NIPBL: variants seen among roughly 807,000 people sequenced by gnomAD.
NIPBL encodes the protein nipped-B-like protein.
A neutral mutation model predicts 321.8 loss-of-function variants in NIPBL; 19 were observed. The observed-to-expected ratio is 0.06, with a 90% CI of 0.04 to 0.09. NIPBL has a LOEUF of 0.09. Ranked by LOEUF, NIPBL falls within the 10% of genes least tolerant of loss-of-function variation. The pLI, the probability that NIPBL is intolerant of heterozygous loss-of-function variation, is 1.00. For synonymous variants in NIPBL, 1,106 were observed against 1,114.1 expected, an observed-to-expected ratio of 0.99 and a Z score of 0.14; for missense variants, 2,210 against 3,327.0, an observed-to-expected ratio of 0.66 and a Z score of 8.26.
At chr5:37,027,745 A>C (rs1036514097) in intron 32 of NIPBL, among the ~76,000 whole-genome samples, 1 of 151,110 alleles carries the variant, frequency 6.6e-6, no homozygotes. Context: ...CAGCCTCCAG[A>C]GTAGCTAGGA....
At chr5:36,912,986 G>A (rs1343463572) in intron 1 of NIPBL, among the ~76,000 whole-genome samples, 2 of 152,080 alleles carry the variant, frequency 1.3e-5, no homozygotes, top group Non-Finnish European at 2.9e-5. Flanking sequence ...AACAATTGGC[G>A]TTAAGTTTTC....
intron 32 of NIPBL, among the ~76,000 whole-genome samples, chr5:37,034,894 A>C (rs564341328): frequency 2.0e-5 from 3 of 152,206 alleles, no homozygotes; most frequent in Non-Finnish European, 2.9e-5. Context: ...TCATGAGTCA[A>C]AATTTATGAT....
chr5:36,881,716 C>A (rs1468827213), intron 1 of NIPBL, among the ~76,000 whole-genome samples: 1 of 151,878 alleles, frequency 6.6e-6, no homozygotes, highest in Admixed American at 6.6e-5. Flanking sequence ...CTTGCCCAGT[C>A]ACTTAGTCAA....
intron 1 of NIPBL, among the ~76,000 whole-genome samples, chr5:36,936,064 G>A (rs1275340609): frequency 6.6e-6 from 1 of 151,942 alleles, no homozygotes; most frequent in Non-Finnish European, 1.5e-5. Flanking sequence ...GGGGGTTGAG[G>A]GTTTCACATT....
At chr5:36,965,976 T>G (rs1375370182) in intron 6 of NIPBL, among the ~76,000 whole-genome samples, 2 of 152,034 alleles carry the variant, frequency 1.3e-5, no homozygotes, top group Non-Finnish European at 2.9e-5. Flanking sequence ...GTTCTAAGAT[T>G]AGCACAATGA....
At position 36,955,456 on chromosome 5, in the gene NIPBL, A is replaced by T. The variant is rs1487302406; in HGVS notation, c.65-16A>T. On this transcript the variant is annotated splice_polypyrimidine_tract_variant and intron_variant, in intron 2 of 46. Transcript: ENST00000282516. Reference sequence around the variant, plus strand: ...TAGTCACTCAATTTCTAATAATCTGATTTTATTCCAAATAGTCCTGAACCA... The same window carrying T: ...TAGTCACTCAATTTCTAATAATCTGTTTTTATTCCAAATAGTCCTGAACCA... 4 of 1,608,650 alleles carry T rather than the reference A, an allele frequency of 2.5e-6. No homozygotes were observed. The African/African-American group carries it at 5.3e-5, about 22-fold the overall frequency.
intron 45 of NIPBL, among the ~76,000 whole-genome samples, chr5:37,061,999 G>A (rs538323481): frequency 3.3e-5 from 5 of 152,110 alleles, no homozygotes; most frequent in African/African-American, 4.8e-5. Context: ...CAGCCACCAC[G>A]CCCGGCTAAT....
intron 7 of NIPBL, 56 bp downstream of exon 7, chr5:36,971,092 C>T: frequency 6.9e-7 from 1 of 1,439,994 alleles, no homozygotes; most frequent in Non-Finnish European, 9.7e-7. Context: ...TGTCATATAA[C>T]CTAGTATTTC....
intron 37 of NIPBL, 143 bp downstream of exon 37, chr5:37,045,740 C>A: frequency 1.2e-6 from 1 of 832,972 alleles, no homozygotes; most frequent in Non-Finnish European, 1.9e-6. Flanking sequence ...CTGCTCAAAA[C>A]GTGGTCCTCA....
At position 36,995,752 on chromosome 5, in the gene NIPBL, A is replaced by G; in HGVS notation, c.3252A>G (p.Lys1084=). 2 of 1,613,940 alleles carry G rather than the reference A, an allele frequency of 1.2e-6. No individual in the cohort carries two copies. The highest frequency in any genetic ancestry group is 1.7e-6 in the Non-Finnish European group (2 of 1,179,848). The change falls in exon 11 of 47, where the codon AAA becomes AAG. Residue 1084 remains lysine (K), a synonymous_variant. Coordinates refer to ENST00000282516, the MANE Select transcript of NIPBL (RefSeq NM_133433.4). The part of the protein sequence containing the change: ...RKRSTVNEKP[K]YAEISSDEDN... Reference sequence around the variant, plus strand: ...GTAGCACAGTTAATGAAAAGCCAAAATATGCTGAAATCAGTTCAGATGAAG... The same window carrying G: ...GTAGCACAGTTAATGAAAAGCCAAAGTATGCTGAAATCAGTTCAGATGAAG...
chr5:36,994,447 G>A (rs75759524), intron 10 of NIPBL, among the ~76,000 whole-genome samples: 2,118 of 152,118 alleles, frequency 0.014, 53 homozygotes, highest in African/African-American at 0.049. Flanking sequence ...TTATTTGATT[G>A]TATCGTCTTA....
intron 1 of NIPBL, among the ~76,000 whole-genome samples, chr5:36,912,717 C>T (rs1261851405): frequency 6.6e-6 from 1 of 152,028 alleles, no homozygotes; most frequent in Non-Finnish European, 1.5e-5. Flanking sequence ...TCGGGCTGGT[C>T]TCAAACTCCT....
At chr5:37,026,404 A>ATCCAGACCTAATT in intron 31 of NIPBL, 77 bp downstream of exon 31, 1 of 805,616 alleles carries the variant, frequency 1.2e-6, no homozygotes, top group Non-Finnish European at 2.2e-6. Flanking sequence ...ATGAAGGAAG[A>ATCCAGACCTAATT]GACAATAATG....
intron 34 of NIPBL, among the ~76,000 whole-genome samples, chr5:37,041,870 A>ATTT (rs70976272): frequency 6.9e-6 from 1 of 145,520 alleles, no homozygotes; most frequent in East Asian, 2.0e-4. Flanking sequence ...CAGCCACTAC[A>ATTT]TTTTTTTTTT....
intron 44 of NIPBL, among the ~76,000 whole-genome samples, chr5:37,060,146 T>C (rs753711428): frequency 4.6e-5 from 7 of 152,196 alleles, no homozygotes; most frequent in Admixed American, 2.0e-4. Flanking sequence ...CTCCCACTTT[T>C]TCAGGAGACA....
chr5:36,957,083 T>C (rs1314761496), intron 3 of NIPBL, among the ~76,000 whole-genome samples: 1 of 152,156 alleles, frequency 6.6e-6, no homozygotes, highest in Non-Finnish European at 1.5e-5. Context: ...TTGGACACCA[T>C]CTTTATAGGT....
intron 10 of NIPBL, among the ~76,000 whole-genome samples, chr5:36,988,701 TTC>T (rs1444553444): frequency 7.2e-5 from 11 of 152,220 alleles, no homozygotes; most frequent in Admixed American, 7.2e-4. Flanking sequence ...GTTGATGATT[TTC>T]TGAGTAAAGG....
rs774057739 is a variant in NIPBL at position 37,017,166 on chromosome 5, CTAAGA to C, written c.4920+8_4920+12del. The C allele has an allele frequency of 6.2e-7, 1 of 1,607,158 alleles. No individual in the cohort carries two copies. Among genetic ancestry groups the C allele is most frequent in the South Asian group, 1.1e-5 (1 of 90,674 alleles). The stretch of plus-strand genomic sequence containing the variant: ...TATAGAACGCATTTTAAAACAGGTA[CTAAGA>C]TAAAAGATTAAAATTATGGGAATGA... On this transcript the variant is annotated splice_donor_5th_base_variant and intron_variant, in intron 24 of 46. Transcript: ENST00000282516.
At chr5:36,960,234 A>G (rs921073370) in intron 4 of NIPBL, among the ~76,000 whole-genome samples, 1 of 152,108 alleles carries the variant, frequency 6.6e-6, no homozygotes, top group African/African-American at 2.4e-5. Flanking sequence ...TTAGAATTTC[A>G]TTTACCCGTT....
Sources: allele counts gnomAD v4.1 joint callset (sites outside exome capture counted in the v4.1 genomes callset), GRCh38; gene constraint gnomAD v4.1.1; transcripts MANE v1.5; gene names NCBI Gene and HGNC (gene_info 2026-07-23, HGNC 2026-07-21).